Variants in ZNF727 observed in about 807,000 individuals in gnomAD.
ZNF727 encodes the protein zinc finger protein 727.
A neutral mutation model predicts 11.5 loss-of-function variants in ZNF727; 11 were observed. The ratio of observed to expected loss-of-function variants is 0.95; its 90% CI spans 0.60 to 1.58. The LOEUF (loss-of-function observed/expected upper bound fraction) is 1.58, where lower values mean the gene tolerates loss of function less well. Among genes scored for constraint, ZNF727 ranks in the 40% most tolerant of loss-of-function variants. The pLI, the probability that ZNF727 is intolerant of heterozygous loss-of-function variation, is 0.00. For missense variants in ZNF727, 533 were observed against 581.7 expected, an observed-to-expected ratio of 0.92 and a Z score of 0.86; for synonymous variants, 171 against 196.1, an observed-to-expected ratio of 0.87 and a Z score of 1.07.
intron 1 of ZNF727, among the ~76,000 whole-genome samples, chr7:64,047,962 A>AG (rs1789534421): frequency 6.6e-6 from 1 of 152,180 alleles, no homozygotes; most frequent in Non-Finnish European, 1.5e-5. Context: ...TCTGCCACAC[A>AG]GGGGGCAAGT....
In ZNF727 at chr7:64,079,569, T is replaced by C. The variant is rs1308860193; in HGVS notation, c.*1020T>C. Reference sequence around the variant, plus strand: ...CTTTTCCCTTTATTTTGAGCTTATTTGAAATGGGTATCTCAATTACAGCAT... The same window carrying C: ...CTTTTCCCTTTATTTTGAGCTTATTCGAAATGGGTATCTCAATTACAGCAT... On this transcript the variant is annotated 3_prime_UTR_variant, in exon 4 of 4. Coordinates refer to ENST00000456806, the MANE Select transcript of ZNF727 (RefSeq NM_001159522.3). Among the ~76,000 whole-genome samples, 1 of 152,198 alleles carries C rather than the reference T, an allele frequency of 6.6e-6. No individual in the cohort carries two copies. Among genetic ancestry groups the C allele is most frequent in the Non-Finnish European group, 1.5e-5 (1 of 68,032 alleles).
intron 1 of ZNF727, among the ~76,000 whole-genome samples, chr7:64,067,604 G>A (rs778108163): frequency 4.6e-5 from 7 of 152,088 alleles, no homozygotes; most frequent in Non-Finnish European, 7.4e-5. Context: ...GGATGAATCT[G>A]GAAACCATCA....
At chr7:64,074,121 T>C (rs1235586500) in intron 3 of ZNF727, among the ~76,000 whole-genome samples, 3 of 152,148 alleles carry the variant, frequency 2.0e-5, no homozygotes, top group Admixed American at 2.0e-4. Context: ...ATAGAAAATA[T>C]TACTGGAGTG....
intron 3 of ZNF727, among the ~76,000 whole-genome samples, chr7:64,074,467 G>A (rs1342466209): frequency 6.6e-6 from 1 of 152,066 alleles, no homozygotes; most frequent in East Asian, 1.9e-4. Context: ...GCAGATTTTT[G>A]GAGACCACTA....
Position 64,054,754 on chromosome 7 carries a change from C to T in ZNF727, c.3+9130C>T, listed in dbSNP as rs564635289. 2.0e-5 allele frequency among the ~76,000 whole-genome samples: 3 copies of T among 152,236 alleles called. No homozygotes were observed. In the East Asian group the frequency reaches 5.8e-4, roughly 29 times the overall value. ...AACTGAGATGTAAAAATAGATATCT[C>T]TCTGTAGTCTTAGTGTACATTTCCA... On this transcript the variant is annotated intron_variant, in intron 1 of 3. Coordinates refer to ENST00000456806, the MANE Select transcript of ZNF727 (RefSeq NM_001159522.3).
chr7:64,069,412 T>C (rs1584151959), intron 2 of ZNF727, 102 bp from the exon 3 acceptor site: 1 of 984,262 alleles, frequency 1.0e-6, no homozygotes, highest in East Asian at 2.7e-5. Flanking sequence ...ATTAATTTTC[T>C]AGAGTCTTCT....
chr7:64,058,826 C>T (rs1391638808), intron 1 of ZNF727, among the ~76,000 whole-genome samples: 1 of 152,204 alleles, frequency 6.6e-6, no homozygotes, highest in Non-Finnish European at 1.5e-5. Flanking sequence ...ATTATACCTA[C>T]GTCTACATCT....
chr7:64,049,823 A>G (rs1196170089), intron 1 of ZNF727, among the ~76,000 whole-genome samples: 2 of 151,510 alleles, frequency 1.3e-5, no homozygotes, highest in Non-Finnish European at 3.0e-5. Flanking sequence ...GCAACAATCT[A>G]AGATTATAGT....
At chr7:64,058,172 G>T (rs1789715539) in intron 1 of ZNF727, among the ~76,000 whole-genome samples, 1 of 152,072 alleles carries the variant, frequency 6.6e-6, no homozygotes, top group African/African-American at 2.4e-5. Context: ...TGGGCTGAAG[G>T]GAGACTCCAG....
chr7:64,050,000 A>G lies in ZNF727; in HGVS notation c.3+4376A>G, dbSNP rs1009374536. Among the ~76,000 whole-genome samples, 4 of 151,966 alleles carry G rather than the reference A, an allele frequency of 2.6e-5. No individual in the cohort carries two copies. In the East Asian group the frequency reaches 5.8e-4, roughly 22 times the overall value. ...ACACTCATCTGAAGTTAAACTTTCT[A>G]TTATCCATTTTTGTATTACTGTATT... is the stretch of plus-strand genomic sequence containing the variant. On this transcript the variant is annotated intron_variant, in intron 1 of 3. Transcript: ENST00000456806.
rs1251168772 is a variant in ZNF727, at chr7:64,084,334, G to T, written c.*5785G>T. Among the ~76,000 whole-genome samples, 1 of 152,184 alleles carries T rather than the reference G, an allele frequency of 6.6e-6. No individual in the cohort carries two copies. The highest frequency in any genetic ancestry group is 1.5e-5 in the Non-Finnish European group (1 of 68,018). On this transcript the variant is annotated 3_prime_UTR_variant, in exon 4 of 4. Coordinates refer to ENST00000456806, the MANE Select transcript of ZNF727 (RefSeq NM_001159522.3). ...TTCAAAATGCCTTTTTAATGACAAT[G>T]TATGAACTTAATTTATTTTAATAAA...
In ZNF727 at chr7:64,069,654, A is replaced by C. The variant is rs1386544792; in HGVS notation, c.226+45A>C. The C allele has an allele frequency of 4.1e-6, 6 of 1,446,186 alleles. No individual in the cohort carries two copies. In the African/African-American group the frequency reaches 7.1e-5, roughly 17 times the overall value. 89.6% of individuals were successfully genotyped at this position (1,446,186 alleles called of 1,614,324 possible). A position where few individuals can be genotyped will look rare whatever the true frequency, so the allele number is the denominator to read the frequency against. ...GCAAATGACATAAATGACGGTTCCC[A>C]ATGTCAAGGAGGAAGCCAGACCTTG... is the stretch of plus-strand genomic sequence containing the variant. On this transcript the variant is annotated intron_variant, in intron 3 of 3. Coordinates refer to ENST00000456806, the MANE Select transcript of ZNF727 (RefSeq NM_001159522.3).
Position 64,069,530 on chromosome 7 carries a change from G to A in ZNF727, c.147G>A (p.Lys49=), listed in dbSNP as rs1424835375. Residue 49 remains lysine (K), a synonymous_variant, in exon 3 of 4, where the codon AAG becomes AAA. Transcript: ENST00000456806. ...NLFSLGLAIF[K]PDLITYLEQR... ...ATAAAACAGGTCTTGCTATCTTTAA[G>A]CCAGACTTGATTACCTATCTGGAGC... The A allele has an allele frequency of 1.3e-6, 2 of 1,557,672 alleles. No individual in the cohort carries two copies. The highest frequency in any genetic ancestry group is 2.4e-5 in the South Asian group (2 of 84,914).
At chr7:64,059,913 T>C (rs529790212) in intron 1 of ZNF727, among the ~76,000 whole-genome samples, 1 of 152,338 alleles carries the variant, frequency 6.6e-6, no homozygotes, top group Non-Finnish European at 1.5e-5. Context: ...GTCAGTCTCT[T>C]TAAATTAGAA....
At chr7:64,050,286 A>C (rs1259220712) in intron 1 of ZNF727, among the ~76,000 whole-genome samples, 2 of 152,156 alleles carry the variant, frequency 1.3e-5, no homozygotes, top group Non-Finnish European at 2.9e-5. Context: ...GTAGACCCAA[A>C]ATATAACTTA....
rs1406084757 is a variant in ZNF727, at chr7:64,077,776, C to G, written c.727C>G (p.Leu243Val). The change falls in exon 4 of 4, where the codon CTT becomes GTT. Residue 243 changes from leucine (L) to valine (V), a missense_variant. Coordinates refer to ENST00000456806, the MANE Select transcript of ZNF727 (RefSeq NM_001159522.3). ...CGKTFTCSSALTKHKRNHTGD... is the reference protein window; with the variant it reads ...CGKTFTCSSAVTKHKRNHTGD... ...CAAAACATTTACCTGTTCCTCAGCC[C>G]TTACTAAACACAAGAGAAATCATAC... The G allele has an allele frequency of 6.3e-7, 1 of 1,575,954 alleles. No homozygotes were observed. The highest frequency in any genetic ancestry group is 2.4e-5 in the East Asian group (1 of 42,382).
Position 64,077,504 on chromosome 7 carries a change from A to G in ZNF727, c.455A>G (p.Lys152Arg), listed in dbSNP as rs1201568437. Residue 152 changes from lysine to arginine, a missense_variant, in exon 4 of 4, where the codon AAA (lysine) becomes AGA (arginine). Around this residue, in one of 3 missense-constraint regions of ZNF727, gnomAD observed 463 missense variants for 494.5 expected, o/e 0.94. Coordinates refer to ENST00000456806, the MANE Select transcript of ZNF727 (RefSeq NM_001159522.3). ...SKTCQYNKCG[K>R]AFGLCSIFTE... ...ACCTGTCAATATAATAAATGTGGCA[A>G]AGCTTTTGGGTTGTGCTCAATCTTC... The G allele has an allele frequency of 9.4e-5, 146 of 1,551,458 alleles. No homozygotes were observed. The highest frequency in any genetic ancestry group is 1.2e-4 in the Non-Finnish European group (142 of 1,146,862).
rs1020020233 is a variant in ZNF727 at position 64,045,499 on chromosome 7, T to C, written c.-123T>C. The C allele has an allele frequency of 3.0e-6, 4 of 1,341,578 alleles. No homozygotes were observed. The African/African-American group carries it at 4.4e-5, about 15-fold the overall frequency. 83.1% of individuals were successfully genotyped at this position (1,341,578 alleles called of 1,614,324 possible). A position where few individuals can be genotyped will look rare whatever the true frequency, so the allele number is the denominator to read the frequency against. On this transcript the variant is annotated 5_prime_UTR_variant, in exon 1 of 4. Transcript: ENST00000456806. ...AGGCTCTGAGTCCAGTACCCGTCTG[T>C]ACTATTCCATCTCTTCCGCTCCATT...
intron 1 of ZNF727, among the ~76,000 whole-genome samples, chr7:64,055,513 A>C (rs1789670461): frequency 6.6e-6 from 1 of 152,124 alleles, no homozygotes; most frequent in Admixed American, 6.5e-5. Flanking sequence ...TTGTCTTGCA[A>C]AGTTGAAACT....
Sources: allele counts gnomAD v4.1 joint callset (sites outside exome capture counted in the v4.1 genomes callset), GRCh38; gene constraint gnomAD v4.1.1; regional missense constraint gnomAD v4.1.1; transcripts MANE v1.5; gene names NCBI Gene and HGNC (gene_info 2026-07-23, HGNC 2026-07-21).